The following TNIK variants were observed in gnomAD, a reference collection of about 807,000 sequenced individuals.
TNIK encodes the protein TRAF2 and NCK interacting kinase, also known as TRAF2 and NCK-interacting protein kinase.
A neutral mutation model predicts 191.3 loss-of-function variants in TNIK; 49 were observed. The observed-to-expected ratio is 0.26, with a 90% CI of 0.20 to 0.32. The LOEUF is 0.32. Ranked by LOEUF, TNIK falls within the 10% of genes least tolerant of loss-of-function variation. The pLI, the probability that TNIK is intolerant of heterozygous loss-of-function variation, is 1.00. For synonymous variants in TNIK, 594 were observed against 600.9 expected (o/e 0.99, Z 0.17); for missense variants, 1,155 against 1,702.3 (o/e 0.68, Z 5.66).
At chr3:171,133,755 T>C (rs986476385) in intron 15 of TNIK, among the ~76,000 whole-genome samples, 16 of 152,098 alleles carry the variant, frequency 1.1e-4, no homozygotes, top group African/African-American at 2.9e-4. Flanking sequence ...AACTAACTAA[T>C]ATAAAAGGAA....
intron 10 of TNIK, among the ~76,000 whole-genome samples, chr3:171,165,738 C>T (rs1018728569): frequency 6.6e-6 from 1 of 152,190 alleles, no homozygotes; most frequent in African/African-American, 2.4e-5. Flanking sequence ...CTCCCATCCT[C>T]AGTCTCTGGT....
chr3:171,352,318 C>A (rs900002120), intron 2 of TNIK, among the ~76,000 whole-genome samples: 10 of 152,180 alleles, frequency 6.6e-5, no homozygotes, highest in Non-Finnish European at 1.2e-4. Flanking sequence ...AATCTATTCA[C>A]CTTTTAAGCC....
At chr3:171,280,641 G>A (rs1292406560) in intron 2 of TNIK, among the ~76,000 whole-genome samples, 2 of 128,206 alleles carry the variant, frequency 1.6e-5, no homozygotes, top group Non-Finnish European at 3.4e-5. Flanking sequence ...AGTCTAAACT[G>A]TCTCTAAATT....
At chr3:171,198,738 T>C (rs540495975) in intron 4 of TNIK, among the ~76,000 whole-genome samples, 2 of 152,256 alleles carry the variant, frequency 1.3e-5, no homozygotes, top group Admixed American at 1.3e-4. Context: ...TTCTCCACAA[T>C]ACAAAGTTAA....
At chr3:171,357,685 T>C (rs1714316262) in intron 2 of TNIK, among the ~76,000 whole-genome samples, 1 of 150,880 alleles carries the variant, frequency 6.6e-6, no homozygotes, top group Non-Finnish European at 1.5e-5. Flanking sequence ...CAGGTCAGAG[T>C]ACGGAGAGAA....
chr3:171,416,828 TTCTC>T (rs1434870456), intron 1 of TNIK, among the ~76,000 whole-genome samples: 4 of 152,224 alleles, frequency 2.6e-5, no homozygotes, highest in Admixed American at 6.5e-5. Flanking sequence ...GCTTCTATTA[TTCTC>T]TCTCTTTCTT....
At chr3:171,386,370 C>T (rs1017001567) in intron 1 of TNIK, among the ~76,000 whole-genome samples, 39 of 152,066 alleles carry the variant, frequency 2.6e-4, no homozygotes, top group African/African-American at 9.2e-4. Context: ...CTTTGGTGTT[C>T]GTGGTGTTTT....
Position 171,413,003 on chromosome 3 carries a change from C to T in TNIK, c.58-43318G>A, listed in dbSNP as rs186179348. Among the ~76,000 whole-genome samples, 632 of 152,258 alleles carry T rather than the reference C, an allele frequency of 4.2e-3. 6 individuals are homozygous for T. The highest frequency in any genetic ancestry group is 0.015 in the African/African-American group (608 of 41,554). ...GCCAAGCAGGCAAACTATACCTTGG[C>T]GAGAATTTCCTCTCCAGAGCCTCAA... is the stretch of plus-strand genomic sequence containing the variant. On this transcript the variant is annotated intron_variant, in intron 1 of 32. Transcript: ENST00000436636.
chr3:171,287,259 T>A (rs1751115203), intron 2 of TNIK, among the ~76,000 whole-genome samples: 1 of 152,232 alleles, frequency 6.6e-6, no homozygotes, highest in African/African-American at 2.4e-5. Flanking sequence ...TTTTCATTGT[T>A]AAGAAAATTT....
chr3:171,082,576 A>T (rs1720834927), intron 26 of TNIK, 182 bp from the exon 27 acceptor site: 1 of 707,074 alleles, frequency 1.4e-6, no homozygotes, highest in Middle Eastern at 3.3e-4. Context: ...ACTTCTGGTA[A>T]TGAAATTACA....
intron 1 of TNIK, among the ~76,000 whole-genome samples, chr3:171,445,268 A>G (rs1250120089): frequency 6.6e-6 from 1 of 151,932 alleles, no homozygotes; most frequent in Admixed American, 6.6e-5. Flanking sequence ...AAAATACAAA[A>G]ATCAGTCAGG....
intron 1 of TNIK, among the ~76,000 whole-genome samples, chr3:171,423,676 C>T (rs955359168): frequency 6.6e-6 from 1 of 152,106 alleles, no homozygotes; most frequent in African/African-American, 2.4e-5. Context: ...AGAAATAATG[C>T]CACATATCTA....
rs868520269 is a variant in TNIK, at chr3:171,271,126, A to G, written c.124-42905T>C. ...TTGGGTTCTGGCTTACCCTAAGGAC[A>G]AGCTTATTCTTACTGTGCCAGGGTT... On this transcript the variant is annotated intron_variant, in intron 2 of 32. Coordinates refer to ENST00000436636, the MANE Select transcript of TNIK (RefSeq NM_015028.4). Among the ~76,000 whole-genome samples, 56 of 152,316 alleles carry G rather than the reference A, an allele frequency of 3.7e-4. No homozygotes were observed. The Middle Eastern group carries it at 0.01, about 28-fold the overall frequency.
intron 2 of TNIK, among the ~76,000 whole-genome samples, chr3:171,237,205 T>C (rs960222504): frequency 3.3e-5 from 5 of 152,150 alleles, no homozygotes. Flanking sequence ...GGCTCTTTAT[T>C]TGGGCTGTTG....
intron 1 of TNIK, among the ~76,000 whole-genome samples, chr3:171,453,379 T>C (rs1051387672): frequency 5.9e-5 from 9 of 152,188 alleles, no homozygotes; most frequent in Admixed American, 5.2e-4. Flanking sequence ...TGTTCAGCGT[T>C]GGGGCAGTAG....
chr3:171,246,866 C>G (rs985953347), intron 2 of TNIK, among the ~76,000 whole-genome samples: 2 of 152,140 alleles, frequency 1.3e-5, no homozygotes, highest in Admixed American at 6.5e-5. Flanking sequence ...ACAGAGCAAC[C>G]AACTCAGACT....
At chr3:171,375,510 G>A (rs1369227865) in intron 1 of TNIK, among the ~76,000 whole-genome samples, 2 of 152,140 alleles carry the variant, frequency 1.3e-5, no homozygotes, top group African/African-American at 2.4e-5. Context: ...TTCCTTGGAT[G>A]TTGAAATAAA....
intron 2 of TNIK, among the ~76,000 whole-genome samples, chr3:171,322,038 G>A (rs1484759678): frequency 2.6e-5 from 4 of 152,164 alleles, no homozygotes; most frequent in Non-Finnish European, 4.4e-5. Context: ...TGAATCCAGA[G>A]TTTAGATTGT....
At chr3:171,077,915 CT>C (rs1453618778) in intron 28 of TNIK, among the ~76,000 whole-genome samples, 6 of 151,060 alleles carry the variant, frequency 4.0e-5, no homozygotes, top group Non-Finnish European at 8.8e-5. Context: ...CTCCTTAACC[CT>C]TAACACAGGA....
Sources: allele counts gnomAD v4.1 joint callset (sites outside exome capture counted in the v4.1 genomes callset), GRCh38; gene constraint gnomAD v4.1.1; transcripts MANE v1.5; gene names NCBI Gene and HGNC (gene_info 2026-07-23, HGNC 2026-07-21).